Variants in MYO3A observed in about 807,000 individuals in gnomAD.
MYO3A encodes the protein myosin-IIIa.
In MYO3A, 180 loss-of-function variants were observed where a neutral mutation model predicts 192.7. The observed-to-expected ratio is 0.93, with a 90% confidence interval of 0.83 to 1.06. The LOEUF is 1.06. Ranked by LOEUF, MYO3A falls within the 50% of genes least tolerant of loss-of-function variation. The pLI is 0.00. For missense variants in MYO3A, 1,896 were observed against 1,905.0 expected (o/e 1.00, Z 0.09); for synonymous variants, 628 against 645.3 (o/e 0.97, Z 0.41).
intron 4 of MYO3A, among the ~76,000 whole-genome samples, chr10:25,980,888 A>G (rs1839291422): frequency 6.6e-6 from 1 of 152,204 alleles, no homozygotes; most frequent in Non-Finnish European, 1.5e-5. Flanking sequence ...AGGGTTCCCT[A>G]CTGTTATACA....
chr10:26,068,693 T>C, intron 11 of MYO3A, 75 bp from the exon 12 acceptor site: 1 of 975,398 alleles, frequency 1.0e-6, no homozygotes, highest in Non-Finnish European at 1.6e-6. Flanking sequence ...GTTCTGTTTA[T>C]TATTGTTTAC....
chr10:26,107,164 G>C (rs116546523), intron 17 of MYO3A, among the ~76,000 whole-genome samples: 1,995 of 152,032 alleles, frequency 0.013, 54 homozygotes, highest in African/African-American at 0.045. Context: ...AGAAGACTGG[G>C]GACAATGTCT....
At chr10:26,187,622 C>T (rs1190260379) in intron 31 of MYO3A, among the ~76,000 whole-genome samples, 1 of 147,550 alleles carries the variant, frequency 6.8e-6, no homozygotes, top group East Asian at 2.0e-4. Flanking sequence ...GGTATATCTC[C>T]TAATGCTATC....
At chr10:26,082,613 A>C (rs892584176) in intron 14 of MYO3A, among the ~76,000 whole-genome samples, 1 of 152,202 alleles carries the variant, frequency 6.6e-6, no homozygotes, top group African/African-American at 2.4e-5. Context: ...CCCTATATAT[A>C]CTATTTTTTC....
Position 26,088,333 on chromosome 10 carries a change from C to A in MYO3A, c.1490C>A (p.Ser497Tyr), listed in dbSNP as rs767997893. 6.2e-7 allele frequency: 1 copy of A among 1,613,952 alleles called. No individual in the cohort carries two copies. The highest frequency in any genetic ancestry group is 8.5e-7 in the Non-Finnish European group (1 of 1,179,922). ...FGKYLEMKFT[S>Y]SGAVVGAQIS... Reference sequence around the variant, plus strand: ...AAATACTTAGAAATGAAATTCACCTCTTCTGGAGCGGTAGTGGGAGCACAG... The same window carrying A: ...AAATACTTAGAAATGAAATTCACCTATTCTGGAGCGGTAGTGGGAGCACAG... Residue 497 changes from serine (S) to tyrosine (Y), a missense_variant, in exon 15 of 35, where the codon TCT (serine) becomes TAT (tyrosine). Ser to Tyr is a moderately radical substitution (Grantham distance 144). Transcript: ENST00000642920.
chr10:26,002,301 A>G (rs1013735481), intron 6 of MYO3A, among the ~76,000 whole-genome samples: 1 of 152,200 alleles, frequency 6.6e-6, no homozygotes, highest in Admixed American at 6.5e-5. Context: ...ACTCGAATAT[A>G]ATTCAAATAT....
intron 4 of MYO3A, among the ~76,000 whole-genome samples, chr10:25,981,824 T>A (rs962747102): frequency 6.6e-6 from 1 of 152,222 alleles, no homozygotes; most frequent in Non-Finnish European, 1.5e-5. Context: ...CAGAGCAGCA[T>A]GTGAAGACTC....
intron 4 of MYO3A, among the ~76,000 whole-genome samples, chr10:25,970,162 A>G (rs1838534716): frequency 6.6e-6 from 1 of 152,144 alleles, no homozygotes; most frequent in Non-Finnish European, 1.5e-5. Flanking sequence ...GTAGAAAATT[A>G]TTTGAGGATA....
intron 33 of MYO3A, 114 bp from the exon 34 acceptor site, chr10:26,202,850 T>G: frequency 8.6e-7 from 1 of 1,162,970 alleles, no homozygotes; most frequent in Non-Finnish European, 1.2e-6. Flanking sequence ...TATTGACATG[T>G]GTATGTTACT....
chr10:26,011,359 A>G (rs951689876), intron 6 of MYO3A, among the ~76,000 whole-genome samples: 42 of 152,182 alleles, frequency 2.8e-4, no homozygotes, highest in African/African-American at 9.7e-4. Flanking sequence ...ACCTGAACCC[A>G]GGAAATTGAG....
chr10:26,066,840 G>T (rs567279153), intron 10 of MYO3A, 135 bp from the exon 11 acceptor site: 15 of 656,066 alleles, frequency 2.3e-5, no homozygotes, highest in East Asian at 1.7e-4. Context: ...AAATATATTA[G>T]GCTATTTTCT....
intron 2 of MYO3A, among the ~76,000 whole-genome samples, chr10:25,945,733 C>T (rs1836792167): frequency 6.6e-6 from 1 of 152,016 alleles, no homozygotes; most frequent in Non-Finnish European, 1.5e-5. Context: ...GAGTTTAATC[C>T]ATTTACATTT....
chr10:26,034,948 C>T (rs967628160), intron 10 of MYO3A, among the ~76,000 whole-genome samples: 1 of 131,678 alleles, frequency 7.6e-6, no homozygotes, highest in Non-Finnish European at 1.8e-5. Context: ...TGTGTGTGCG[C>T]ACACATCATT....
At chr10:25,956,699 T>G (rs1008579702) in intron 4 of MYO3A, among the ~76,000 whole-genome samples, 1 of 152,042 alleles carries the variant, frequency 6.6e-6, no homozygotes, top group African/African-American at 2.4e-5. Flanking sequence ...ATTCTTAATA[T>G]TTAACATATT....
At chr10:26,038,981 C>T (rs912566797) in intron 10 of MYO3A, among the ~76,000 whole-genome samples, 2 of 152,172 alleles carry the variant, frequency 1.3e-5, no homozygotes, top group Non-Finnish European at 2.9e-5. Flanking sequence ...ACCATCTTTA[C>T]ATCCCTGGGA....
chr10:25,962,776 A>C (rs112490999), intron 4 of MYO3A, among the ~76,000 whole-genome samples: 43 of 152,298 alleles, frequency 2.8e-4, no homozygotes, highest in African/African-American at 1.0e-3. Context: ...CTGAACCGGG[A>C]GACCGTAAAA....
chr10:26,086,479 A>G (rs1836322912), intron 14 of MYO3A, among the ~76,000 whole-genome samples: 1 of 152,196 alleles, frequency 6.6e-6, no homozygotes, highest in African/African-American at 2.4e-5. Flanking sequence ...ATTCAAAATG[A>G]TGAGTAGGAA....
chr10:26,003,026 T>G (rs958749636), intron 6 of MYO3A, among the ~76,000 whole-genome samples: 2 of 152,108 alleles, frequency 1.3e-5, no homozygotes, highest in Admixed American at 6.6e-5. Flanking sequence ...AATGAATGAA[T>G]GAAGGAGGGG....
intron 23 of MYO3A, among the ~76,000 whole-genome samples, chr10:26,148,602 C>A (rs1413503707): frequency 1.3e-5 from 2 of 152,112 alleles, no homozygotes; most frequent in African/African-American, 4.8e-5. Context: ...TGGTATCTTC[C>A]CAACATTAAA....
Sources: gnomAD v4.1 joint callset for allele counts (sites outside exome capture counted in the v4.1 genomes callset) on GRCh38, gnomAD v4.1.1 for gene constraint, MANE v1.5 for transcripts, NCBI Gene and HGNC (gene_info 2026-07-23, HGNC 2026-07-21) for gene names.